Variants in ROBO1 observed in about 807,000 individuals in gnomAD.
ROBO1 encodes roundabout guidance receptor 1.
ROBO1 carries 149 observed loss-of-function variants against 195.9 expected under a neutral mutation model. The observed-to-expected ratio is 0.76, with a 90% CI of 0.67 to 0.87. The LOEUF (loss-of-function observed/expected upper bound fraction) is 0.87. Ranked by LOEUF, ROBO1 falls within the 40% of genes least tolerant of loss-of-function variation. The pLI, the probability that ROBO1 is intolerant of heterozygous loss-of-function variation, is 0.00. For missense variants in ROBO1, 1,933 were observed against 2,068.3 expected (o/e 0.93, Z 1.27); for synonymous variants, 816 against 733.2 (o/e 1.11, Z -1.82).
At chr3:79,420,601 G>A (rs371883490) in intron 2 of ROBO1, among the ~76,000 whole-genome samples, 4 of 152,216 alleles carry the variant, frequency 2.6e-5, no homozygotes, top group East Asian at 1.9e-4. Context: ...CCATGAAGAC[G>A]TAGAGTCTCT....
chr3:78,792,831 G>A (rs946626542), intron 4 of ROBO1, among the ~76,000 whole-genome samples: 1 of 152,052 alleles, frequency 6.6e-6, no homozygotes, highest in Admixed American at 6.6e-5. Flanking sequence ...TAGACACAGT[G>A]GCTCATGCCT....
chr3:79,578,970 A>G (rs1943576654), intron 2 of ROBO1, among the ~76,000 whole-genome samples: 2 of 152,326 alleles, frequency 1.3e-5, no homozygotes, highest in East Asian at 3.9e-4. Context: ...AATAGCTTTG[A>G]GGAGCTTGCG....
intron 2 of ROBO1, among the ~76,000 whole-genome samples, chr3:79,363,915 A>G (rs2035864653): frequency 6.6e-6 from 1 of 152,156 alleles, no homozygotes; most frequent in South Asian, 2.1e-4. Flanking sequence ...CACGGTCCAA[A>G]TCTGATGGAT....
intron 1 of ROBO1, among the ~76,000 whole-genome samples, chr3:79,654,110 G>A (rs1242463270): frequency 6.6e-6 from 1 of 151,916 alleles, no homozygotes; most frequent in East Asian, 1.9e-4. Flanking sequence ...CGTTTATAAA[G>A]TATATATTAC....
intron 19 of ROBO1, 132 bp downstream of exon 19, chr3:78,651,600 G>T (rs541454591): frequency 3.3e-6 from 2 of 612,382 alleles, no homozygotes; most frequent in Non-Finnish European, 5.3e-6. Flanking sequence ...CACAATAAAC[G>T]CACTTTTGAA....
intron 2 of ROBO1, among the ~76,000 whole-genome samples, chr3:79,497,896 T>C (rs932281297): frequency 1.3e-5 from 2 of 152,198 alleles, no homozygotes; most frequent in Non-Finnish European, 2.9e-5. Flanking sequence ...AAGTGTCTCA[T>C]AGCCATTAAA....
intron 2 of ROBO1, chr3:79,526,380 T>C (rs539234101): frequency 1.6e-4 from 24 of 152,322 alleles, no homozygotes; most frequent in African/African-American, 5.3e-4. Flanking sequence ...TGACAAGTAC[T>C]TACATTAGGT....
intron 4 of ROBO1, among the ~76,000 whole-genome samples, chr3:78,805,944 T>C (rs1035497059): frequency 2.6e-5 from 4 of 151,970 alleles, no homozygotes; most frequent in Admixed American, 2.6e-4. Context: ...TCAAAAAACT[T>C]TTAATTTGGT....
At chr3:78,830,506 G>T (rs746962399) in intron 4 of ROBO1, among the ~76,000 whole-genome samples, 1 of 152,120 alleles carries the variant, frequency 6.6e-6, no homozygotes, top group Admixed American at 6.5e-5. Flanking sequence ...TTACAATCAC[G>T]ACAGAAAGGG....
intron 2 of ROBO1, among the ~76,000 whole-genome samples, chr3:79,235,667 G>C (rs2082394572): frequency 6.6e-6 from 1 of 151,944 alleles, no homozygotes; most frequent in Admixed American, 6.6e-5. Context: ...CTTTTCCTCT[G>C]CCCAGTGCTG....
At chr3:78,648,586 T>A (rs959311705) in intron 19 of ROBO1, among the ~76,000 whole-genome samples, 2 of 151,672 alleles carry the variant, frequency 1.3e-5, no homozygotes, top group African/African-American at 4.8e-5. Context: ...GGGGGTTGGA[T>A]AACGGCAGAG....
At chr3:79,534,494 T>G (rs964149975) in intron 2 of ROBO1, among the ~76,000 whole-genome samples, 1 of 152,114 alleles carries the variant, frequency 6.6e-6, no homozygotes, top group Non-Finnish European at 1.5e-5. Context: ...CAAGACCTTC[T>G]GAGTATATTG....
chr3:79,688,803 CTTCTAT>C (rs1947213047), intron 1 of ROBO1, among the ~76,000 whole-genome samples: 1 of 151,828 alleles, frequency 6.6e-6, no homozygotes, highest in Admixed American at 6.6e-5. Context: ...TTTCTATTTA[CTTCTAT>C]TTCTAACTTC....
chr3:79,484,212 A>G (rs890909861), intron 2 of ROBO1, among the ~76,000 whole-genome samples: 1 of 152,188 alleles, frequency 6.6e-6, no homozygotes, highest in African/African-American at 2.4e-5. Flanking sequence ...GTGGGGTGAT[A>G]CATGTTTAAA....
At chr3:79,716,234 T>C (rs1560126307) in intron 1 of ROBO1, among the ~76,000 whole-genome samples, 1 of 151,982 alleles carries the variant, frequency 6.6e-6, no homozygotes, top group African/African-American at 2.4e-5. Context: ...TTATATTACA[T>C]TATAGGAAAT....
chr3:78,624,324 A>T (rs1336626315), intron 26 of ROBO1, among the ~76,000 whole-genome samples: 2 of 152,176 alleles, frequency 1.3e-5, no homozygotes, highest in Admixed American at 6.6e-5. Flanking sequence ...TATAGAATAT[A>T]CATTAATCAT....
At chr3:78,892,732 T>C (rs1487714209) in intron 4 of ROBO1, among the ~76,000 whole-genome samples, 1 of 152,132 alleles carries the variant, frequency 6.6e-6, no homozygotes, top group Non-Finnish European at 1.5e-5. Flanking sequence ...TCTGAACAGT[T>C]TAGTTCTCTT....
At chr3:79,052,550 ACTC>A (rs1239549864) in intron 3 of ROBO1, among the ~76,000 whole-genome samples, 1 of 151,264 alleles carries the variant, frequency 6.6e-6, no homozygotes, top group Non-Finnish European at 1.5e-5. Context: ...CCCTTTTGAA[ACTC>A]CTAATAGAAA....
At chr3:78,962,825 A>T (rs1291665245) in intron 3 of ROBO1, among the ~76,000 whole-genome samples, 1 of 134,004 alleles carries the variant, frequency 7.5e-6, no homozygotes, top group African/African-American at 2.9e-5. Flanking sequence ...CTCCATCTCA[A>T]AAAAAAAAAA....
Sources: gnomAD v4.1 joint callset for allele counts (sites outside exome capture counted in the v4.1 genomes callset) on GRCh38, gnomAD v4.1.1 for gene constraint, MANE v1.5 for transcripts, NCBI Gene and HGNC (gene_info 2026-07-23, HGNC 2026-07-21) for gene names.